SH3BGRL2: variants seen among roughly 807,000 people sequenced by gnomAD.
The protein encoded by SH3BGRL2 is SH3 domain-binding glutamic acid-rich-like protein 2.
SH3BGRL2 carries 21 observed loss-of-function variants against 14.8 expected under a neutral mutation model. That is an observed-to-expected ratio of 1.42 (90% CI 1.01 to 2.05). SH3BGRL2 has a LOEUF of 2.05. Among genes scored for constraint, SH3BGRL2 ranks in the 30% most tolerant of loss-of-function variants. SH3BGRL2 has a pLI of 0.00. For missense variants in SH3BGRL2, 147 were observed against 130.8 expected (o/e 1.12, Z -0.61); for synonymous variants, 50 against 47.8 (o/e 1.05, Z -0.19).
At chr6:79,670,261 G>A (rs1248292908) in intron 1 of SH3BGRL2, among the ~76,000 whole-genome samples, 2 of 152,210 alleles carry the variant, frequency 1.3e-5, no homozygotes, top group Non-Finnish European at 2.9e-5. Flanking sequence ...CAGTGGGCTG[G>A]ATTTGGGCCT....
chr6:79,569,351 T>C, the SH3BGRL2 span, among the ~76,000 whole-genome samples: 671 of 152,314 alleles, frequency 4.4e-3, 9 homozygotes, highest in African/African-American at 0.015. Flanking sequence ...TTGTAAATGT[T>C]TCTTATCAGA....
the SH3BGRL2 span, among the ~76,000 whole-genome samples, chr6:79,603,892 C>T: frequency 6.6e-6 from 1 of 152,156 alleles, no homozygotes; most frequent in Non-Finnish European, 1.5e-5. Context: ...GCAACCTCCA[C>T]CTCCTGGGTT....
intron 2 of SH3BGRL2, among the ~76,000 whole-genome samples, chr6:79,692,553 C>A (rs1268907001): frequency 2.0e-5 from 3 of 152,160 alleles, no homozygotes; most frequent in African/African-American, 4.8e-5. Flanking sequence ...AGGAAGGGAT[C>A]CAGTTTCAGC....
chr6:79,574,467 A>T, the SH3BGRL2 span: 1 of 152,164 alleles, frequency 6.6e-6, no homozygotes, highest in Non-Finnish European at 1.5e-5. Flanking sequence ...TTGCTATTCA[A>T]TTGCCTTCAG....
chr6:79,600,563 C>A, the SH3BGRL2 span, among the ~76,000 whole-genome samples: 2 of 152,172 alleles, frequency 1.3e-5, no homozygotes, highest in African/African-American at 4.8e-5. Context: ...TTGTCCCTCA[C>A]TACAGTCTCC....
chr6:79,638,372 C>T (rs1467818615), intron 1 of SH3BGRL2, among the ~76,000 whole-genome samples: 1 of 152,130 alleles, frequency 6.6e-6, no homozygotes, highest in Admixed American at 6.5e-5. Flanking sequence ...AGATGGATTC[C>T]ATGTCTTGGC....
the SH3BGRL2 span, among the ~76,000 whole-genome samples, chr6:79,608,078 G>A: frequency 6.6e-6 from 1 of 152,194 alleles, no homozygotes; most frequent in Non-Finnish European, 1.5e-5. Flanking sequence ...GTCTTACATG[G>A]CAGGAACAGG....
the SH3BGRL2 span, among the ~76,000 whole-genome samples, chr6:79,614,369 G>T: frequency 6.6e-6 from 1 of 152,084 alleles, no homozygotes; most frequent in African/African-American, 2.4e-5. Context: ...CAGAGGCCTG[G>T]GGGACACGAG....
the SH3BGRL2 span, among the ~76,000 whole-genome samples, chr6:79,565,497 A>G: frequency 2.0e-5 from 3 of 151,466 alleles, no homozygotes; most frequent in East Asian, 3.9e-4. Context: ...GAATATTACA[A>G]AGAGAATTGG....
intron 1 of SH3BGRL2, among the ~76,000 whole-genome samples, chr6:79,662,656 T>C (rs189614005): frequency 6.6e-6 from 1 of 152,168 alleles, no homozygotes; most frequent in Non-Finnish European, 1.5e-5. Flanking sequence ...GTATCTTTGT[T>C]GTGTTCTCTG....
the SH3BGRL2 span, among the ~76,000 whole-genome samples, chr6:79,545,288 T>C: frequency 6.6e-6 from 1 of 152,146 alleles, no homozygotes; most frequent in Non-Finnish European, 1.5e-5. Flanking sequence ...ATGCCCGTAC[T>C]TCAGCTGTCC....
At chr6:79,645,037 G>A (rs1224503226) in intron 1 of SH3BGRL2, among the ~76,000 whole-genome samples, 2 of 151,446 alleles carry the variant, frequency 1.3e-5, no homozygotes, top group African/African-American at 4.9e-5. Flanking sequence ...GCAGTCGCCT[G>A]TAATCCCAGC....
At chr6:79,543,616 T>C in the SH3BGRL2 span, among the ~76,000 whole-genome samples, 5 of 152,176 alleles carry the variant, frequency 3.3e-5, no homozygotes, top group African/African-American at 1.2e-4. Flanking sequence ...CCCACCCACT[T>C]CCTGCAGCAG....
intron 1 of SH3BGRL2, among the ~76,000 whole-genome samples, chr6:79,666,649 T>C (rs1372128836): frequency 1.3e-5 from 2 of 152,196 alleles, no homozygotes; most frequent in Non-Finnish European, 2.9e-5. Flanking sequence ...AAAGGAAGAA[T>C]CAACTTAGGG....
At chr6:79,694,468 A>C (rs910867489) in intron 2 of SH3BGRL2, among the ~76,000 whole-genome samples, 4 of 152,198 alleles carry the variant, frequency 2.6e-5, no homozygotes, top group African/African-American at 7.2e-5. Flanking sequence ...CCTGTATTTC[A>C]TGTCAAACTT....
At chr6:79,650,534 G>A (rs963908044) in intron 1 of SH3BGRL2, among the ~76,000 whole-genome samples, 1 of 152,174 alleles carries the variant, frequency 6.6e-6, no homozygotes, top group Non-Finnish European at 1.5e-5. Context: ...CTTCTGGTGA[G>A]GGTTTCAGAA....
At chr6:79,684,918 C>T (rs1191998264) in intron 2 of SH3BGRL2, among the ~76,000 whole-genome samples, 1 of 152,090 alleles carries the variant, frequency 6.6e-6, no homozygotes, top group Non-Finnish European at 1.5e-5. Flanking sequence ...GGCATCTTTC[C>T]AGATACCAGG....
At chr6:79,663,047 C>T (rs558142253) in intron 1 of SH3BGRL2, among the ~76,000 whole-genome samples, 1 of 152,176 alleles carries the variant, frequency 6.6e-6, no homozygotes, top group Non-Finnish European at 1.5e-5. Flanking sequence ...AGCCATTTGT[C>T]TAACCTTTTT....
the SH3BGRL2 span, among the ~76,000 whole-genome samples, chr6:79,592,884 G>C: frequency 4.6e-5 from 7 of 152,300 alleles, no homozygotes; most frequent in South Asian, 1.5e-3. Flanking sequence ...CCAGTAAGTA[G>C]CAGAGCTCAG....
Sources: gnomAD v4.1 joint callset for allele counts (sites outside exome capture counted in the v4.1 genomes callset) on GRCh38, gnomAD v4.1.1 for gene constraint, MANE v1.5 for transcripts, NCBI Gene and HGNC (gene_info 2026-07-23, HGNC 2026-07-21) for gene names.